Variants in B4GALNT4 observed in about 807,000 individuals in gnomAD.
The protein encoded by B4GALNT4 is beta-1,4-N-acetyl-galactosaminyltransferase 4.
B4GALNT4 carries 77 observed loss-of-function variants against 110.0 expected under a neutral mutation model. The ratio of observed to expected loss-of-function variants is 0.70; its 90% CI spans 0.58 to 0.85. The LOEUF is 0.85. Among genes scored for constraint, B4GALNT4 ranks in the 40% least tolerant of loss-of-function variants. B4GALNT4 has a pLI of 0.00. For missense variants in B4GALNT4, 1,575 were observed against 1,506.0 expected, an observed-to-expected ratio of 1.05 and a Z score of -0.76; for synonymous variants, 785 against 655.5, an observed-to-expected ratio of 1.20 and a Z score of -3.02.
chr11:373,337 C>T (rs771556190), intron 6 of B4GALNT4, 46 bp downstream of exon 6: 4 of 1,587,804 alleles, frequency 2.5e-6, no homozygotes, highest in South Asian at 2.2e-5. Context: ...TCCTGCAGCT[C>T]AGTCACCTGT....
chr11:373,403 A>ACTGTGGGGGG, intron 6 of B4GALNT4, 46 bp from the exon 7 acceptor site: 2 of 1,259,488 alleles, frequency 1.6e-6, no homozygotes, highest in Non-Finnish European at 2.2e-6. Flanking sequence ...CCAGGGAGAG[A>ACTGTGGGGGG]GTGAACCCCC....
At position 377,161 on chromosome 11, in the gene B4GALNT4, A is replaced by G; in HGVS notation, c.2038A>G (p.Ile680Val). ...GCTCGGACGCTGGCGTGAGGACGCC[A>G]TCGACTGGCAGCGCACGTTCAGCGT... is the stretch of plus-strand genomic sequence containing the variant. ...PALGRWREDAIDWQRTFSVGA... is the reference protein window; with the variant it reads ...PALGRWREDAVDWQRTFSVGA... Residue 680 changes from isoleucine (I) to valine (V), a missense_variant, in exon 14 of 20, where the codon ATC becomes GTC. Coordinates refer to ENST00000329962, the MANE Select transcript of B4GALNT4 (RefSeq NM_178537.5). The G allele has an allele frequency of 3.2e-6, 5 of 1,559,032 alleles. No homozygotes were observed. The highest frequency in any genetic ancestry group is 4.3e-6 in the Non-Finnish European group (5 of 1,153,692).
At position 377,792 on chromosome 11, in the gene B4GALNT4, C is replaced by T. The variant is rs531734872; in HGVS notation, c.2204+465C>T. ...CCTGGGCGTTCCCAGACTGTCAGGA[C>T]CCGACTGCAGAGGAAGGTGCAGGGC... On this transcript the variant is annotated intron_variant, in intron 14 of 19. Transcript: ENST00000329962. Among the ~76,000 whole-genome samples the T allele has an allele frequency of 4.9e-4, 75 of 152,346 alleles. 1 individual carries two copies. The highest frequency in any genetic ancestry group is 1.7e-3 in the African/African-American group (70 of 41,580).
chr11:373,057 C>A lies in B4GALNT4; in HGVS notation c.476C>A (p.Ser159Tyr). 6.2e-7 allele frequency: 1 copy of A among 1,612,492 alleles called. No individual in the cohort carries two copies. The highest frequency in any genetic ancestry group is 8.5e-7 in the Non-Finnish European group (1 of 1,179,862). ...TRTTVKKLAV[S>Y]PKWKNYGLRI... ...ACCACCGTGAAGAAGTTGGCCGTGT[C>A]CCCCAAGTGGAAGAACTATGGACTC... Residue 159 changes from serine to tyrosine, a missense_variant, in exon 5 of 20, where the codon TCC (serine) becomes TAC (tyrosine). Ser to Tyr is a moderately radical substitution (Grantham distance 144). Transcript: ENST00000329962.
rs1406512725 is a variant in B4GALNT4 at position 372,317 on chromosome 11, G to C, written c.255+105G>C. 2.2e-5 allele frequency: 23 copies of C among 1,059,490 alleles called. No individual in the cohort carries two copies. The East Asian group carries it at 3.4e-4, about 16-fold the overall frequency. The allele number at this position is 1,059,490 out of a possible 1,614,324, so 65.6% of individuals were successfully genotyped here. The stretch of plus-strand genomic sequence containing the variant: ...TGTCCATTCTGGAGGACGCAGCAGG[G>C]GGCATGAGACACAGGACATGTGGGG... On this transcript the variant is annotated intron_variant, in intron 2 of 19. Coordinates refer to ENST00000329962, the MANE Select transcript of B4GALNT4 (RefSeq NM_178537.5).
Position 373,332 on chromosome 11 carries a change from C to A in B4GALNT4, c.636+41C>A, listed in dbSNP as rs778698517. The A allele has an allele frequency of 3.1e-6, 5 of 1,588,238 alleles. No homozygotes were observed. In the South Asian group the frequency reaches 5.6e-5, roughly 18 times the overall value. On this transcript the variant is annotated intron_variant, in intron 6 of 19. Transcript: ENST00000329962. ...CCCTGGTGTCGTCCCGGGCCTCCTG[C>A]AGCTCAGTCACCTGTGCCCACCAGC...
rs760432344 is a variant in B4GALNT4 at position 369,844 on chromosome 11, AGCTGCT to A, written c.61_66del (p.Leu21_Leu22del). On this transcript the variant is annotated inframe_deletion, in exon 1 of 20. Coordinates refer to ENST00000329962, the MANE Select transcript of B4GALNT4 (RefSeq NM_178537.5). ...GTGAAGAAGATCCGTAAGCAGATGA[AGCTGCT>A]GCTGCTGCTGCTGCTGCTGAGCTGC... 2.0e-5 allele frequency: 20 copies of A among 990,260 alleles called. No individual in the cohort carries two copies. The highest frequency in any genetic ancestry group is 2.0e-4 in the East Asian group (2 of 9,974). The allele number at this position is 990,260 out of a possible 1,614,324, so 61.3% of individuals were successfully genotyped here. A position where few individuals can be genotyped will look rare whatever the true frequency, so the allele number is the denominator to read the frequency against.
In B4GALNT4 at chr11:369,990, GGGGCGGCGCGGGGGGCGCGGGGGGCGC is replaced by G. The variant is rs1304322974; in HGVS notation, c.151+58_151+84del. The G allele has an allele frequency of 1.9e-3, 367 of 195,610 alleles. 4 individuals carry two copies. The highest frequency in any genetic ancestry group is 0.013 in the African/African-American group (319 of 25,414). 12.1% of individuals were successfully genotyped at this position (195,610 alleles called of 1,614,324 possible). A position where few individuals can be genotyped will look rare whatever the true frequency, so the allele number is the denominator to read the frequency against. ...GGGGGCGCGGGGGGCGCGGGGGGCG[GGGGCGGCGCGGGGGGCGCGGGGGGCGC>G]GGGCGGCGCGGGGGGCGCGGGCGGC... is the stretch of plus-strand genomic sequence containing the variant. On this transcript the variant is annotated intron_variant, in intron 1 of 19. Transcript: ENST00000329962.
intron 1 of B4GALNT4, among the ~76,000 whole-genome samples, chr11:370,734 A>G (rs1846603133): frequency 6.6e-6 from 1 of 152,102 alleles, no homozygotes; most frequent in South Asian, 2.1e-4. Context: ...GGTTAGTGCC[A>G]TGCCCAGACC....
At position 379,841 on chromosome 11, in the gene B4GALNT4, G is replaced by GCCC. The variant is rs144602584; in HGVS notation, c.2489-19_2489-17dup. ...ACCGTAGAGTCAGCGTCGGCTCAGCGCCCCCCCCGCCTTTTCTCCTCCAGT... is the reference window on the plus strand; with the variant it reads ...ACCGTAGAGTCAGCGTCGGCTCAGCGCCCCCCCCCCCGCCTTTTCTCCTCCAGT... On this transcript the variant is annotated intron_variant, in intron 15 of 19. Coordinates refer to ENST00000329962, the MANE Select transcript of B4GALNT4 (RefSeq NM_178537.5). 3,012 of 1,560,846 alleles carry GCCC rather than the reference G, an allele frequency of 1.9e-3. 1 individual carries two copies. The highest frequency in any genetic ancestry group is 7.3e-3 in the Middle Eastern group (43 of 5,872).
chr11:370,456 C>A (rs571328275), intron 1 of B4GALNT4, among the ~76,000 whole-genome samples: 3 of 152,132 alleles, frequency 2.0e-5, no homozygotes, highest in Admixed American at 2.0e-4. Flanking sequence ...GGCGGGGGCG[C>A]CTTCGGTGAA....
At position 369,976 on chromosome 11, in the gene B4GALNT4, G is replaced by A. The variant is rs1370831280; in HGVS notation, c.151+22G>A. ...CGAGGTACGGCGCGGGGGGCGCGGG[G>A]GGCGCGGGGGGCGGGGGCGGCGCGG... On this transcript the variant is annotated intron_variant, in intron 1 of 19. Coordinates refer to ENST00000329962, the MANE Select transcript of B4GALNT4 (RefSeq NM_178537.5). The A allele has an allele frequency of 9.8e-6, 6 of 609,884 alleles. No individual in the cohort carries two copies. In the African/African-American group the frequency reaches 1.3e-4, roughly 14 times the overall value. The allele number at this position is 609,884 out of a possible 1,614,324, so 37.8% of individuals were successfully genotyped here.
chr11:376,481 C>T lies in B4GALNT4; in HGVS notation c.1358C>T (p.Ala453Val), dbSNP rs1195358888. 7.6e-6 allele frequency: 12 copies of T among 1,587,246 alleles called. No individual in the cohort carries two copies. Among genetic ancestry groups the T allele is most frequent in the Non-Finnish European group, 9.4e-6 (11 of 1,175,028 alleles). Residue 453 changes from alanine to valine, a missense_variant, in exon 14 of 20, where the codon GCC (alanine) becomes GTC (valine). Physicochemically the swap from Ala to Val is moderately conservative, Grantham distance 64. Transcript: ENST00000329962. ...LLDSLEPTEAAPPRSGPQSPA... is the reference protein window; with the variant it reads ...LLDSLEPTEAVPPRSGPQSPA... ...GACAGCCTGGAGCCCACCGAGGCGG[C>T]CCCGCCCAGGAGCGGCCCCCAGTCC...
rs147407526 is a variant in B4GALNT4, at chr11:373,810, G to C, written c.765G>C (p.Ser255=). ...TGCACAAGCAGGACGACCGCGGCTCGGACCACGTGGAAGTGGGCGTGAGTG... is the reference window on the plus strand; with the variant it reads ...TGCACAAGCAGGACGACCGCGGCTCCGACCACGTGGAAGTGGGCGTGAGTG... ...ELLHKQDDRG[S]DHVEVGWRAF... The change falls in exon 8 of 20, where the codon TCG becomes TCC. Residue 255 remains serine (S), a synonymous_variant. Coordinates refer to ENST00000329962, the MANE Select transcript of B4GALNT4 (RefSeq NM_178537.5). 7.4e-6 allele frequency: 12 copies of C among 1,611,868 alleles called. No homozygotes were observed. The highest frequency in any genetic ancestry group is 9.3e-6 in the Non-Finnish European group (11 of 1,179,816).
In B4GALNT4 at chr11:381,850, G is replaced by A; in HGVS notation, c.*58G>A. 6.7e-7 allele frequency: 1 copy of A among 1,495,518 alleles called. No homozygotes were observed. Among genetic ancestry groups the A allele is most frequent in the East Asian group, 2.7e-5 (1 of 37,676 alleles). 92.6% of individuals were successfully genotyped at this position (1,495,518 alleles called of 1,614,324 possible). On this transcript the variant is annotated 3_prime_UTR_variant, in exon 20 of 20. Transcript: ENST00000329962. Reference sequence around the variant, plus strand: ...TCCCGAGGCAGCTGCTGGGGGCTGGGCTTTGAGCTCGGTCCCGAGAGACCC... The same window carrying A: ...TCCCGAGGCAGCTGCTGGGGGCTGGACTTTGAGCTCGGTCCCGAGAGACCC...
In B4GALNT4 at chr11:373,042, A is replaced by C. The variant is rs758297331; in HGVS notation, c.461A>C (p.Lys154Thr). The C allele has an allele frequency of 8.7e-6, 14 of 1,612,094 alleles. No homozygotes were observed. In the East Asian group the frequency reaches 1.1e-4, roughly 13 times the overall value. The change falls in exon 5 of 20, where the codon AAG becomes ACG. Residue 154 changes from lysine to threonine, a missense_variant. By Grantham distance (78) the Lys-to-Thr change is moderately conservative. Coordinates refer to ENST00000329962, the MANE Select transcript of B4GALNT4 (RefSeq NM_178537.5). ...PLFPHTRTTV[K>T]KLAVSPKWKN... ...CCCCCCCAGACGCGCACCACCGTGA[A>C]GAAGTTGGCCGTGTCCCCCAAGTGG...
chr11:377,789 G>A (rs1846789888), intron 14 of B4GALNT4, among the ~76,000 whole-genome samples: 1 of 152,242 alleles, frequency 6.6e-6, no homozygotes, highest in Non-Finnish European at 1.5e-5. Context: ...CAGACTGTCA[G>A]GACCCGACTG....
At position 379,984 on chromosome 11, in the gene B4GALNT4, C is replaced by A. The variant is rs752929271; in HGVS notation, c.2607C>A (p.Asp869Glu). 3 of 1,613,040 alleles carry A rather than the reference C, an allele frequency of 1.9e-6. No individual in the cohort carries two copies. Among genetic ancestry groups the A allele is most frequent in the Non-Finnish European group, 2.5e-6 (3 of 1,179,856 alleles). Residue 869 changes from aspartate to glutamate, a missense_variant, in exon 16 of 20, where the codon GAC becomes GAA. Coordinates refer to ENST00000329962, the MANE Select transcript of B4GALNT4 (RefSeq NM_178537.5). ...TGGATTTCGAGAGCGAGGATATGGA[C>A]GTGGAGCGGGCCCTGCGCGCCGCGC... ...VLVDFESEDMDVERALRAARL... is the reference protein window; with the variant it reads ...VLVDFESEDMEVERALRAARL...
At chr11:376,045 C>T (rs372345366) in intron 11 of B4GALNT4, 29 bp from the exon 12 acceptor site, 2 of 1,605,358 alleles carry the variant, frequency 1.2e-6, no homozygotes, top group South Asian at 2.2e-5. Flanking sequence ...AGGTCCGCGC[C>T]CTGAGCCCTG....
Sources: gnomAD v4.1 joint callset for allele counts (sites outside exome capture counted in the v4.1 genomes callset) on GRCh38, gnomAD v4.1.1 for gene constraint, MANE v1.5 for transcripts, NCBI Gene and HGNC (gene_info 2026-07-23, HGNC 2026-07-21) for gene names.